The following PARD3 variants were observed in gnomAD, a reference collection of about 807,000 sequenced individuals.
PARD3 encodes the protein partitioning defective 3 homolog.
Under a neutral mutation model 155.4 loss-of-function variants are expected in PARD3, and 75 were observed. The ratio of observed to expected loss-of-function variants is 0.48; its 90% CI spans 0.40 to 0.58. The LOEUF (loss-of-function observed/expected upper bound fraction) is 0.58. PARD3 is among the 20% of genes least tolerant of loss of function. PARD3 has a pLI of 0.00. For synonymous variants in PARD3, 576 were observed against 610.5 expected (o/e 0.94, Z 0.83); for missense variants, 1,642 against 1,721.7 (o/e 0.95, Z 0.82).
chr10:34,725,442 A>G (rs978174831), intron 1 of PARD3, among the ~76,000 whole-genome samples: 1 of 152,136 alleles, frequency 6.6e-6, no homozygotes, highest in African/African-American at 2.4e-5. Flanking sequence ...GGTGTGAGCC[A>G]CCACGCCCAG....
chr10:34,436,537 C>T (rs901581259), intron 5 of PARD3, among the ~76,000 whole-genome samples: 4 of 152,162 alleles, frequency 2.6e-5, no homozygotes, highest in African/African-American at 9.7e-5. Context: ...AGGTTGACAA[C>T]ATCTATCAAA....
At chr10:34,762,294 G>A (rs1564592812) in intron 1 of PARD3, among the ~76,000 whole-genome samples, 2 of 150,046 alleles carry the variant, frequency 1.3e-5, no homozygotes, top group African/African-American at 4.9e-5. Flanking sequence ...GAGAGACAGA[G>A]AGAGAGAGAG....
intron 16 of PARD3, among the ~76,000 whole-genome samples, chr10:34,338,996 C>A (rs190543965): frequency 1.3e-5 from 2 of 152,288 alleles, no homozygotes; most frequent in Non-Finnish European, 2.9e-5. Context: ...CCTTCACATA[C>A]TACTATGCTT....
chr10:34,266,658 T>C (rs911237420), intron 22 of PARD3, among the ~76,000 whole-genome samples: 3 of 152,168 alleles, frequency 2.0e-5, no homozygotes, highest in African/African-American at 7.2e-5. Flanking sequence ...ATGTCTAAGA[T>C]GTGATTCTGA....
intron 15 of PARD3, chr10:34,343,188 A>G: frequency 3.0e-6 from 1 of 331,974 alleles, no homozygotes; most frequent in Non-Finnish European, 4.3e-6. Context: ...AGTCACCCCA[A>G]TGGACAACTC....
At chr10:34,779,463 T>A in intron 1 of PARD3, among the ~76,000 whole-genome samples, 1 of 150,520 alleles carries the variant, frequency 6.6e-6, no homozygotes, top group Non-Finnish European at 1.5e-5. Context: ...AAAAAAAAAA[T>A]TAAAAAAATT....
chr10:34,651,011 C>CCAAAAAAAAAAAAA (rs1404556380), intron 2 of PARD3, among the ~76,000 whole-genome samples: 1 of 44,546 alleles, frequency 2.2e-5, no homozygotes, highest in Non-Finnish European at 4.0e-5. Flanking sequence ...AACTCTGTCT[C>CCAAAAAAAAAAAAA]AAAAAAAAAA....
chr10:34,313,564 G>C (rs948634918), intron 20 of PARD3, among the ~76,000 whole-genome samples: 1 of 152,036 alleles, frequency 6.6e-6, no homozygotes, highest in Non-Finnish European at 1.5e-5. Flanking sequence ...TCATCTTTGT[G>C]ACTACCATTC....
rs559469226 is a variant in PARD3, at chr10:34,175,483, C to A, written c.3420-43900G>T. On this transcript the variant is annotated intron_variant, in intron 22 of 24. Transcript: ENST00000374788. The stretch of plus-strand genomic sequence containing the variant: ...AATGCAGGGGCCCCAGAGACTGGAT[C>A]ATAAACTTGCACATTTAAATTGTCT... Among the ~76,000 whole-genome samples, 3 of 152,260 alleles carry A rather than the reference C, an allele frequency of 2.0e-5. No homozygotes were observed. In the East Asian group the frequency reaches 5.8e-4, roughly 29 times the overall value.
intron 1 of PARD3, among the ~76,000 whole-genome samples, chr10:34,776,248 C>T (rs1839510792): frequency 1.3e-5 from 2 of 152,192 alleles, no homozygotes; most frequent in South Asian, 4.1e-4. Flanking sequence ...ATAAACCCAG[C>T]AGGACACCAT....
intron 24 of PARD3, among the ~76,000 whole-genome samples, chr10:34,116,260 A>G (rs1946663966): frequency 6.6e-6 from 1 of 152,190 alleles, no homozygotes; most frequent in Non-Finnish European, 1.5e-5. Flanking sequence ...AAACCACCTT[A>G]TCTAATGCAA....
At chr10:34,641,775 T>C (rs114116646) in intron 2 of PARD3, among the ~76,000 whole-genome samples, 3 of 152,162 alleles carry the variant, frequency 2.0e-5, no homozygotes, top group African/African-American at 7.2e-5. Flanking sequence ...CTGGGAGGCA[T>C]GCGCCTCGTG....
chr10:34,766,496 T>C (rs1195376487), intron 1 of PARD3, among the ~76,000 whole-genome samples: 1 of 151,968 alleles, frequency 6.6e-6, no homozygotes, highest in East Asian at 1.9e-4. Context: ...GCCCCAAAGC[T>C]GATTCGAAAC....
Position 34,764,814 on chromosome 10 carries a change from G to A in PARD3, c.120+50062C>T, listed in dbSNP as rs563184691. Among the ~76,000 whole-genome samples, 23 of 152,300 alleles carry A rather than the reference G, an allele frequency of 1.5e-4. No individual in the cohort carries two copies. The South Asian group carries it at 4.6e-3, about 30-fold the overall frequency. ...GCTCTGAACCACCTTTTCTGAGACA[G>A]CTCTTATAGATAAGCACCTGGCTGT... On this transcript the variant is annotated intron_variant, in intron 1 of 24. Coordinates refer to ENST00000374788, the MANE Select transcript of PARD3 (RefSeq NM_001184785.2).
chr10:34,430,453 C>T (rs1283942829), intron 5 of PARD3, among the ~76,000 whole-genome samples: 1 of 152,154 alleles, frequency 6.6e-6, no homozygotes, highest in African/African-American at 2.4e-5. Flanking sequence ...GTAGCAATCA[C>T]TAGGATTGGA....
At chr10:34,135,374 T>C (rs191162010) in intron 22 of PARD3, among the ~76,000 whole-genome samples, 34 of 152,332 alleles carry the variant, frequency 2.2e-4, no homozygotes, top group Admixed American at 1.4e-3. Context: ...TTTTGGTTTT[T>C]GTTGTTTTTT....
rs1316738158 is a variant in PARD3 at position 34,171,937 on chromosome 10, T to C, written c.3420-40354A>G. On this transcript the variant is annotated intron_variant, in intron 22 of 24. Transcript: ENST00000374788. ...GGCATTCCAGCCTGGGTGACAGAGA[T>C]GAGACTCCATCTCAAAAAAAAAAAA... Among the ~76,000 whole-genome samples, 8 of 104,348 alleles carry C rather than the reference T, an allele frequency of 7.7e-5. No individual in the cohort carries two copies. The East Asian group carries it at 2.3e-3, about 30-fold the overall frequency. 68.5% of individuals were successfully genotyped at this position (104,348 alleles called of 152,430 possible).
intron 5 of PARD3, among the ~76,000 whole-genome samples, chr10:34,442,791 A>G (rs1589593123): frequency 1.3e-5 from 2 of 152,344 alleles, no homozygotes; most frequent in East Asian, 1.9e-4. Flanking sequence ...CGATTGCTTG[A>G]GCACAGAAGT....
chr10:34,573,364 A>G (rs1363691938), intron 2 of PARD3, among the ~76,000 whole-genome samples: 1 of 151,958 alleles, frequency 6.6e-6, no homozygotes, highest in Admixed American at 6.6e-5. Context: ...TCTTAAAAAT[A>G]GGTAAGAATT....
Sources: allele counts gnomAD v4.1 joint callset (sites outside exome capture counted in the v4.1 genomes callset), GRCh38; gene constraint gnomAD v4.1.1; transcripts MANE v1.5; gene names NCBI Gene and HGNC (gene_info 2026-07-23, HGNC 2026-07-21).